YIPF1: variants seen among roughly 807,000 people sequenced by gnomAD.
YIPF1 encodes Yip1 domain family member 1.
In YIPF1, 22 loss-of-function variants were observed where a neutral mutation model predicts 37.0. That is an observed-to-expected ratio of 0.59 (90% CI 0.42 to 0.85). YIPF1 has a LOEUF of 0.85. Ranked by LOEUF, YIPF1 falls within the 40% of genes least tolerant of loss-of-function variation. YIPF1 has a pLI of 0.00. For synonymous variants in YIPF1, 128 were observed against 131.9 expected (o/e 0.97, Z 0.21); for missense variants, 355 against 373.1 (o/e 0.95, Z 0.40).
intron 10 of YIPF1, among the ~76,000 whole-genome samples, chr1:53,854,242 A>T (rs1649665375): frequency 8.1e-6 from 1 of 123,354 alleles, no homozygotes; most frequent in African/African-American, 3.2e-5. Context: ...ACAGAGTGAG[A>T]CTCTGTCTGA....
intron 6 of YIPF1, among the ~76,000 whole-genome samples, chr1:53,876,906 T>C (rs1434874490): frequency 6.6e-6 from 1 of 152,230 alleles, no homozygotes; most frequent in Non-Finnish European, 1.5e-5. Flanking sequence ...CTCAGTTTTC[T>C]CTTTTGTAAG....
intron 3 of YIPF1, among the ~76,000 whole-genome samples, chr1:53,888,084 G>A (rs1290985384): frequency 2.0e-5 from 3 of 152,150 alleles, no homozygotes; most frequent in Non-Finnish European, 2.9e-5. Flanking sequence ...AAATTAGTCG[G>A]GTGTGGTGAC....
At chr1:53,888,770 C>T (rs1250327411) in intron 3 of YIPF1, 137 bp downstream of exon 3, 1 of 852,690 alleles carries the variant, frequency 1.2e-6, no homozygotes, top group Non-Finnish European at 1.7e-6. Context: ...ACAGGAAACA[C>T]CTGGATGTGG....
intron 10 of YIPF1, 49 bp downstream of exon 10, chr1:53,860,007 G>T (rs1649822468): frequency 6.4e-7 from 1 of 1,573,582 alleles, no homozygotes; most frequent in Non-Finnish European, 8.7e-7. Context: ...TGATACACCT[G>T]CCCATGTTTT....
intron 4 of YIPF1, among the ~76,000 whole-genome samples, chr1:53,879,269 A>AT (rs1346315605): frequency 3.3e-5 from 5 of 151,834 alleles, no homozygotes; most frequent in African/African-American, 1.2e-4. Flanking sequence ...TAATTGTTTA[A>AT]TTTTTGTAGA....
intron 9 of YIPF1, among the ~76,000 whole-genome samples, 158 bp from the exon 10 acceptor site, chr1:53,860,311 C>T (rs780757770): frequency 2.6e-5 from 4 of 152,176 alleles, no homozygotes; most frequent in South Asian, 4.1e-4. Flanking sequence ...TCTCTGTTTA[C>T]GTTTGTCTCA....
At chr1:53,874,693 G>A (rs1054068820) in intron 6 of YIPF1, among the ~76,000 whole-genome samples, 8 of 152,146 alleles carry the variant, frequency 5.3e-5, no homozygotes, top group Non-Finnish European at 7.3e-5. Context: ...CTTGAACCCA[G>A]GACTCAGGGG....
chr1:53,860,176 G>C (rs748944185), intron 9 of YIPF1, 23 bp from the exon 10 acceptor site: 2 of 1,612,698 alleles, frequency 1.2e-6, no homozygotes, highest in African/African-American at 2.7e-5. Context: ...AAAGACCCAG[G>C]AGGGAGTTAA....
intron 10 of YIPF1, among the ~76,000 whole-genome samples, chr1:53,856,353 C>T (rs1356881636): frequency 6.6e-6 from 1 of 152,198 alleles, no homozygotes; most frequent in Non-Finnish European, 1.5e-5. Context: ...TAAGTCCTAG[C>T]TCAGGGGCAG....
At chr1:53,856,383 A>G (rs1649718976) in intron 10 of YIPF1, among the ~76,000 whole-genome samples, 1 of 152,212 alleles carries the variant, frequency 6.6e-6, no homozygotes, top group African/African-American at 2.4e-5. Context: ...GACCCTCAAC[A>G]TGGCGATGTC....
At chr1:53,867,175 T>C (rs1650052245) in intron 7 of YIPF1, among the ~76,000 whole-genome samples, 4 of 152,312 alleles carry the variant, frequency 2.6e-5, no homozygotes, top group Admixed American at 6.5e-5. Context: ...TAGTCTCTCA[T>C]ATGGTTTTTA....
intron 7 of YIPF1, among the ~76,000 whole-genome samples, chr1:53,869,904 TC>T (rs1411298093): frequency 6.8e-6 from 1 of 146,638 alleles, no homozygotes; most frequent in African/African-American, 2.5e-5. Context: ...ACAGAGTCTC[TC>T]TCTGTTGCCC....
intron 6 of YIPF1, among the ~76,000 whole-genome samples, chr1:53,872,806 T>C (rs1381353940): frequency 1.3e-5 from 2 of 152,088 alleles, no homozygotes; most frequent in African/African-American, 2.4e-5. Flanking sequence ...CTTCAAAAAG[T>C]CACCAATATT....
At chr1:53,857,650 G>A (rs1020103830) in intron 10 of YIPF1, among the ~76,000 whole-genome samples, 2 of 152,112 alleles carry the variant, frequency 1.3e-5, no homozygotes, top group Admixed American at 6.5e-5. Flanking sequence ...GTGGTCAAGA[G>A]GGCCAGTAAG....
Position 53,888,977 on chromosome 1 carries a change from T to C in YIPF1, c.-40A>G, listed in dbSNP as rs1474632262. The C allele has an allele frequency of 1.9e-6, 3 of 1,590,680 alleles. No homozygotes were observed. Among genetic ancestry groups the C allele is most frequent in the East Asian group, 2.3e-5 (1 of 44,396 alleles). Reference sequence around the variant, plus strand: ...TTCTCCCAATTATGAGGAAGAAAATTTGCAGGGTTCTAAAAGAAAAAAATA... The same window carrying C: ...TTCTCCCAATTATGAGGAAGAAAATCTGCAGGGTTCTAAAAGAAAAAAATA... On this transcript the variant is annotated 5_prime_UTR_variant, in exon 3 of 11. Transcript: ENST00000072644.
intron 4 of YIPF1, among the ~76,000 whole-genome samples, chr1:53,880,894 C>T (rs1437768290): frequency 1.3e-5 from 2 of 152,034 alleles, no homozygotes; most frequent in African/African-American, 4.8e-5. Context: ...TTCCTTATAC[C>T]ATAAGCAAAA....
chr1:53,889,206 T>C, intron 2 of YIPF1, 38 bp downstream of exon 2: 1 of 388,744 alleles, frequency 2.6e-6, no homozygotes, highest in Non-Finnish European at 4.8e-6. Flanking sequence ...TTCAACCTTA[T>C]TTGGTTGTGT....
intron 10 of YIPF1, among the ~76,000 whole-genome samples, chr1:53,854,313 G>A (rs923360646): frequency 6.6e-6 from 1 of 152,106 alleles, no homozygotes; most frequent in Non-Finnish European, 1.5e-5. Flanking sequence ...GGCCAGAAGC[G>A]AAGAGGTTGG....
At chr1:53,853,092 T>C (rs1936835) in intron 10 of YIPF1, among the ~76,000 whole-genome samples, 57,966 of 151,996 alleles carry the variant, frequency 0.38, 11,788 homozygotes, top group Middle Eastern at 0.47. Flanking sequence ...GGTTTCTATC[T>C]TGGGTGACTG....
Sources: gnomAD v4.1 joint callset for allele counts (sites outside exome capture counted in the v4.1 genomes callset) on GRCh38, gnomAD v4.1.1 for gene constraint, MANE v1.5 for transcripts, NCBI Gene and HGNC (gene_info 2026-07-23, HGNC 2026-07-21) for gene names.